The following CD200 variants were observed in gnomAD, a reference collection of about 807,000 sequenced individuals.
CD200 encodes CD200 molecule.
Under a neutral mutation model 30.9 loss-of-function variants are expected in CD200, and 15 were observed. The observed-to-expected ratio is 0.49, with a 90% CI of 0.32 to 0.75. The LOEUF (loss-of-function observed/expected upper bound fraction) is 0.75. Ranked by LOEUF, CD200 falls within the 30% of genes least tolerant of loss-of-function variation. The pLI, the probability that CD200 is intolerant of heterozygous loss-of-function variation, is 0.03. For missense variants in CD200, 262 were observed against 324.2 expected, an observed-to-expected ratio of 0.81 and a Z score of 1.47; for synonymous variants, 134 against 126.2, an observed-to-expected ratio of 1.06 and a Z score of -0.41.
intron 1 of CD200, among the ~76,000 whole-genome samples, chr3:112,336,751 C>T (rs897237312): frequency 3.3e-5 from 5 of 151,964 alleles, no homozygotes; most frequent in East Asian, 1.9e-4. Context: ...CAGGACATCC[C>T]GCTAAAGCAA....
rs761116137 is a variant in CD200, at chr3:112,345,032, T to G, written c.165T>G (p.Asn55Lys). ...TPASLKCSLQ[N>K]AQEALIVTWQ... ...CTTCCTTAAAATGCTCTCTGCAAAA[T>G]GCCCAGGAAGCCCTCATTGTGACAT... The change falls in exon 3 of 6, where the codon AAT (asparagine) becomes AAG (lysine). Residue 55 changes from asparagine (N) to lysine (K), a missense_variant. Physicochemically the swap from Asn to Lys is moderately conservative, Grantham distance 94. Transcript: ENST00000315711. 2 of 1,614,054 alleles carry G rather than the reference T, an allele frequency of 1.2e-6. No individual in the cohort carries two copies. The highest frequency in any genetic ancestry group is 4.5e-5 in the East Asian group (2 of 44,864).
intron 5 of CD200, among the ~76,000 whole-genome samples, chr3:112,358,931 G>GAA (rs140720935): frequency 2.1e-5 from 3 of 139,720 alleles, no homozygotes; most frequent in Admixed American, 7.1e-5. Context: ...AAGAAAGAGA[G>GAA]AGAAAGAAAG....
rs113377572 is a variant in CD200, at chr3:112,340,804, T to G, written c.13-98T>G. On this transcript the variant is annotated intron_variant, in intron 1 of 5. Transcript: ENST00000315711. ...CCAAAATTCTCTGGGGGGTAAAAAC[T>G]TAGCTACAACATTCCCTGAAATAGC... 15 of 799,902 alleles carry G rather than the reference T, an allele frequency of 1.9e-5. No individual in the cohort carries two copies. The African/African-American group carries it at 2.2e-4, about 12-fold the overall frequency. 49.6% of individuals were successfully genotyped at this position (799,902 alleles called of 1,614,324 possible).
At chr3:112,339,934 A>T (rs2081200342) in intron 1 of CD200, among the ~76,000 whole-genome samples, 1 of 152,232 alleles carries the variant, frequency 6.6e-6, no homozygotes. Flanking sequence ...ACCCCCAGGA[A>T]TGCAGACGCA....
chr3:112,348,591 C>G (rs2399418), intron 4 of CD200, among the ~76,000 whole-genome samples: 22,710 of 152,100 alleles, frequency 0.15, 2,377 homozygotes, highest in African/African-American at 0.29. Flanking sequence ...AGTTTTGAAG[C>G]ACTGACTCTT....
At chr3:112,343,241 T>C (rs959349059) in intron 2 of CD200, among the ~76,000 whole-genome samples, 2 of 151,878 alleles carry the variant, frequency 1.3e-5, no homozygotes, top group East Asian at 3.9e-4. Context: ...GTATATAATA[T>C]AAACATATAA....
chr3:112,340,626 C>T (rs2081217411), intron 1 of CD200, among the ~76,000 whole-genome samples: 1 of 152,100 alleles, frequency 6.6e-6, no homozygotes, highest in Admixed American at 6.5e-5. Context: ...TCTTTGAGAC[C>T]TCGCTCTTGA....
intron 5 of CD200, among the ~76,000 whole-genome samples, chr3:112,354,659 A>G (rs1576622542): frequency 6.6e-6 from 1 of 152,340 alleles, no homozygotes; most frequent in East Asian, 1.9e-4. Flanking sequence ...TTAATTTTCT[A>G]TTGCTTCTTT....
chr3:112,362,701 T>C lies in CD200; in HGVS notation c.*1151T>C, dbSNP rs185331426. ...TTAAAGTGTAAGTTGTTTTCGCTGT[T>C]AAATTGGATATTTATATATATATAT... On this transcript the variant is annotated 3_prime_UTR_variant, in exon 6 of 6. Transcript: ENST00000315711. The C allele has an allele frequency of 1.3e-3, 103 of 78,184 alleles. No individual in the cohort carries two copies. The highest frequency in any genetic ancestry group is 1.3e-4 in the Non-Finnish European group (5 of 37,992). 4.8% of individuals were successfully genotyped at this position (78,184 alleles called of 1,614,324 possible).
At chr3:112,346,300 T>G (rs995658019) in intron 3 of CD200, among the ~76,000 whole-genome samples, 1 of 152,012 alleles carries the variant, frequency 6.6e-6, no homozygotes, top group East Asian at 1.9e-4. Context: ...CTAATTTTTC[T>G]TTTTTTCTTG....
intron 1 of CD200, among the ~76,000 whole-genome samples, chr3:112,339,692 A>G (rs979156960): frequency 1.3e-5 from 2 of 152,234 alleles, no homozygotes; most frequent in Non-Finnish European, 2.9e-5. Flanking sequence ...GGATTGATAC[A>G]CAGGAATTTA....
chr3:112,361,804 G>A lies in CD200; in HGVS notation c.*254G>A. ...TAAAGCAATGCCATGTTATGTGGTT[G>A]AAAGGGCACTGGACTTAGTTAGTAT... On this transcript the variant is annotated 3_prime_UTR_variant, in exon 6 of 6. Transcript: ENST00000315711. The A allele has an allele frequency of 1.8e-6, 1 of 564,030 alleles. No individual in the cohort carries two copies. The highest frequency in any genetic ancestry group is 3.2e-6 in the Non-Finnish European group (1 of 315,188). 34.9% of individuals were successfully genotyped at this position (564,030 alleles called of 1,614,324 possible). A position where few individuals can be genotyped will look rare whatever the true frequency, so the allele number is the denominator to read the frequency against.
intron 5 of CD200, among the ~76,000 whole-genome samples, chr3:112,353,502 A>G (rs1046583791): frequency 6.6e-6 from 1 of 152,138 alleles, no homozygotes; most frequent in Non-Finnish European, 1.5e-5. Context: ...AACCTAACCT[A>G]TGAATGGGTT....
intron 5 of CD200, among the ~76,000 whole-genome samples, chr3:112,353,883 T>C (rs1050371102): frequency 6.6e-6 from 1 of 152,144 alleles, no homozygotes; most frequent in Non-Finnish European, 1.5e-5. Flanking sequence ...AGTATCCTCA[T>C]AGTTCCAGGA....
At chr3:112,334,555 T>C (rs1284132925) in intron 1 of CD200, among the ~76,000 whole-genome samples, 2 of 152,246 alleles carry the variant, frequency 1.3e-5, no homozygotes, top group African/African-American at 2.4e-5. Context: ...CTAGGAGCTT[T>C]ATATACTACT....
rs1399904695 is a variant in CD200 at position 112,349,787 on chromosome 3, T to C, written c.770T>C (p.Leu257Pro). The change falls in exon 5 of 6, where the codon CTG becomes CCG. Residue 257 changes from leucine (L) to proline (P), a missense_variant. Leu to Pro is a moderately conservative substitution (Grantham distance 98). Transcript: ENST00000315711. Reference protein sequence around the residue: ...VILLVLISILLYWKRHRNQDR... With the variant: ...VILLVLISILPYWKRHRNQDR... ...CTTCTCGTCCTAATCTCAATCTTAC[T>C]GTACTGGAAACGTCACCGGAATCAG... is the stretch of plus-strand genomic sequence containing the variant. The C allele has an allele frequency of 6.2e-7, 1 of 1,611,648 alleles. No homozygotes were observed. Among genetic ancestry groups the C allele is most frequent in the Non-Finnish European group, 8.5e-7 (1 of 1,178,772 alleles).
chr3:112,341,515 T>G (rs907710221), intron 2 of CD200, among the ~76,000 whole-genome samples: 2 of 152,200 alleles, frequency 1.3e-5, no homozygotes, highest in African/African-American at 4.8e-5. Flanking sequence ...GAGGCCACAC[T>G]CACTTTACCA....
chr3:112,360,506 T>A (rs2081720045), intron 5 of CD200, among the ~76,000 whole-genome samples: 1 of 152,158 alleles, frequency 6.6e-6, no homozygotes, highest in Non-Finnish European at 1.5e-5. Context: ...ATCTGTTAAA[T>A]CTGATAATTT....
chr3:112,358,399 T>C (rs2081669229), intron 5 of CD200, among the ~76,000 whole-genome samples: 1 of 152,174 alleles, frequency 6.6e-6, no homozygotes, highest in Non-Finnish European at 1.5e-5. Flanking sequence ...AATCAGAAAA[T>C]GTGCATTCTA....
Sources: gnomAD v4.1 joint callset for allele counts (sites outside exome capture counted in the v4.1 genomes callset) on GRCh38, gnomAD v4.1.1 for gene constraint, MANE v1.5 for transcripts, NCBI Gene and HGNC (gene_info 2026-07-23, HGNC 2026-07-21) for gene names.